The following GPR55 variants were observed in gnomAD, a reference collection of about 807,000 sequenced individuals.
The protein encoded by GPR55 is G-protein coupled receptor 55.
GPR55 carries 6 observed loss-of-function variants against 7.9 expected under a neutral mutation model. The ratio of observed to expected loss-of-function variants is 0.76; its 90% CI spans 0.41 to 1.49. GPR55 has a LOEUF of 1.49. Ranked by LOEUF, GPR55 falls within the 40% of genes most tolerant of loss-of-function variation. The probability of loss-of-function intolerance (pLI) is 0.01; values close to 1 mark genes in which losing one functional copy is unlikely to be tolerated. For synonymous variants in GPR55, 183 were observed against 166.8 expected, an observed-to-expected ratio of 1.10 and a Z score of -0.75; for missense variants, 376 against 406.0, an observed-to-expected ratio of 0.93 and a Z score of 0.63.
chr2:230,943,383 G>A (rs1258837871), intron 1 of GPR55, among the ~76,000 whole-genome samples: 1 of 152,110 alleles, frequency 6.6e-6, no homozygotes, highest in Non-Finnish European at 1.5e-5. Context: ...CAGCCCCTCC[G>A]TGGAGGGCCA....
chr2:230,957,373 C>A (rs1691507544), intron 1 of GPR55, among the ~76,000 whole-genome samples: 1 of 152,232 alleles, frequency 6.6e-6, no homozygotes, highest in Non-Finnish European at 1.5e-5. Flanking sequence ...CGATCACTGA[C>A]GGCCGGTGGT....
rs574136183 is a variant in GPR55 at position 230,910,915 on chromosome 2, G to A, written c.48C>T (p.Asn16=). 5.9e-5 allele frequency: 95 copies of A among 1,610,238 alleles called. No individual in the cohort carries two copies. The South Asian group carries it at 7.7e-4, about 13-fold the overall frequency. Residue 16 remains asparagine (N), a synonymous_variant, in exon 2 of 2, where the codon AAC becomes AAT. Coordinates refer to ENST00000650999, the MANE Select transcript of GPR55 (RefSeq NM_005683.4). The surrounding 1 kb of genome is among the most constrained non-coding windows in gnomAD (Gnocchi z 5.4). ...CAAACTGTAGGGTTTTCATCAGCTC[G>A]TTGACACCGTCAAACAGGCAGTCCC... ...TSGDCLFDGV[N]ELMKTLQFAV...
At position 230,915,233 on chromosome 2, in the gene GPR55, G is replaced by A. The variant is rs149249006; in HGVS notation, c.-134-4137C>T. 7.7e-3 allele frequency among the ~76,000 whole-genome samples: 1,180 copies of A among 152,286 alleles called. 12 individuals are homozygous for A. Among genetic ancestry groups the A allele is most frequent in the African/African-American group, 0.027 (1,115 of 41,536 alleles). The stretch of plus-strand genomic sequence containing the variant: ...CTGGGAGTGGGTTCTCTGGAATTCC[G>A]GGGAGGTCTCAGCAGCACCCCTGCA... On this transcript the variant is annotated intron_variant, in intron 1 of 1. Coordinates refer to ENST00000650999, the MANE Select transcript of GPR55 (RefSeq NM_005683.4).
intron 1 of GPR55, among the ~76,000 whole-genome samples, chr2:230,941,355 A>G (rs1691230587): frequency 6.6e-6 from 1 of 152,192 alleles, no homozygotes; most frequent in Non-Finnish European, 1.5e-5. Context: ...AAGCACCAGA[A>G]GTCCCCCAGA....
intron 1 of GPR55, among the ~76,000 whole-genome samples, chr2:230,953,413 C>G (rs1181911376): frequency 2.0e-5 from 3 of 152,080 alleles, no homozygotes; most frequent in Non-Finnish European, 4.4e-5. Context: ...GGACTCAACC[C>G]ACTGTTACTG....
In GPR55 at chr2:230,924,196, G is replaced by A. The variant is rs1049090389; in HGVS notation, c.-135+972C>T. Among the ~76,000 whole-genome samples, 1 of 152,174 alleles carries A rather than the reference G, an allele frequency of 6.6e-6. No homozygotes were observed. The highest frequency in any genetic ancestry group is 2.4e-5 in the African/African-American group (1 of 41,442). ...GAAGGTCTTATTGCATGAAAGAGGG[G>A]GTGAAGAAATGACGGAACAAATGGC... On this transcript the variant is annotated intron_variant, in intron 1 of 1. Transcript: ENST00000650999. The surrounding 1 kb of genome is among the most constrained non-coding windows in gnomAD (Gnocchi z 4.5).
At chr2:230,933,278 C>G (rs1236008382) in intron 1 of GPR55, among the ~76,000 whole-genome samples, 1 of 151,018 alleles carries the variant, frequency 6.6e-6, no homozygotes. Flanking sequence ...TTTCTCTGGC[C>G]TCCAGCCACC....
intron 1 of GPR55, among the ~76,000 whole-genome samples, chr2:230,916,728 A>G (rs1349604694): frequency 6.6e-6 from 1 of 152,090 alleles, no homozygotes; most frequent in East Asian, 1.9e-4. Flanking sequence ...AATTACAGAA[A>G]TATGTGTCAG....
rs908698835 is a variant in GPR55 at position 230,924,650 on chromosome 2, G to C, written c.-135+518C>G. On this transcript the variant is annotated intron_variant, in intron 1 of 1. Coordinates refer to ENST00000650999, the MANE Select transcript of GPR55 (RefSeq NM_005683.4). The surrounding 1 kb of genome is among the most constrained non-coding windows in gnomAD (Gnocchi z 4.5). ...AAACGGAGGCTAGAGAAATTACGCA[G>C]CTGGTGAGTGGGTGAGCCTGGGCTC... is the stretch of plus-strand genomic sequence containing the variant. The C allele has an allele frequency of 1.3e-5, 2 of 152,194 alleles. No homozygotes were observed. The highest frequency in any genetic ancestry group is 2.9e-5 in the Non-Finnish European group (2 of 68,066). 9.4% of individuals were successfully genotyped at this position (152,194 alleles called of 1,614,324 possible).
Position 230,944,419 on chromosome 2 carries a change from G to A in GPR55, c.-135+16356C>T, listed in dbSNP as rs1691280735. Among the ~76,000 whole-genome samples the A allele has an allele frequency of 6.6e-6, 1 of 152,234 alleles. No homozygotes were observed. The highest frequency in any genetic ancestry group is 1.5e-5 in the Non-Finnish European group (1 of 68,044). ...ACCCCAGAAGTGTGGAAGGGAAGGG[G>A]AGAAAGCCTGTGGAGGGAGGTGGAG... On this transcript the variant is annotated intron_variant, in intron 1 of 1. Coordinates refer to the GPR55 transcript ENST00000392039. The surrounding 1 kb of genome is among the most constrained non-coding windows in gnomAD (Gnocchi z 4.2).
chr2:230,941,617 G>A (rs181086612), intron 1 of GPR55, among the ~76,000 whole-genome samples: 1 of 152,234 alleles, frequency 6.6e-6, no homozygotes, highest in East Asian at 1.9e-4. Flanking sequence ...TGTGGCTGGA[G>A]GAAGCTCAGG....
intron 1 of GPR55, among the ~76,000 whole-genome samples, chr2:230,912,083 C>T (rs1228337418): frequency 1.3e-5 from 2 of 152,132 alleles, no homozygotes; most frequent in Admixed American, 1.3e-4. Context: ...CCTTTCTCAC[C>T]CACTCTTCCC....
At chr2:230,925,954 G>C (rs145698320), upstream of GPR55, among the ~76,000 whole-genome samples, 21 of 152,258 alleles carry the variant, frequency 1.4e-4, no homozygotes, top group African/African-American at 5.1e-4. Flanking sequence ...GGGCCTGGGT[G>C]GCTCTTAGCT....
intron 1 of GPR55, among the ~76,000 whole-genome samples, chr2:230,936,366 C>T (rs1691131488): frequency 6.6e-6 from 1 of 152,110 alleles, no homozygotes; most frequent in African/African-American, 2.4e-5. Context: ...TTACCCTCAT[C>T]CTGTTCTCAT....
At chr2:230,914,778 A>G (rs1416842764) in intron 1 of GPR55, among the ~76,000 whole-genome samples, 1 of 152,212 alleles carries the variant, frequency 6.6e-6, no homozygotes, top group Non-Finnish European at 1.5e-5. Context: ...ATGGTACTGT[A>G]GTTGGCTGGG....
upstream of GPR55, among the ~76,000 whole-genome samples, chr2:230,926,751 A>G (rs1055493918): frequency 1.5e-5 from 2 of 133,278 alleles, no homozygotes; most frequent in Non-Finnish European, 3.0e-5. Flanking sequence ...GTGCAGTGGC[A>G]CTATCTTGGC....
Position 230,944,284 on chromosome 2 carries a change from G to A in GPR55, c.-135+16491C>T, listed in dbSNP as rs1317066746. 4.6e-5 allele frequency among the ~76,000 whole-genome samples: 7 copies of A among 152,176 alleles called. No homozygotes were observed. Among genetic ancestry groups the A allele is most frequent in the South Asian group, 2.1e-4 (1 of 4,824 alleles). ...CAACGTGTGCCCACATGACTGTCCC[G>A]GGGGCTTCCATGAGCTTGATGACCC... is the stretch of plus-strand genomic sequence containing the variant. On this transcript the variant is annotated intron_variant, in intron 1 of 1. Transcript: ENST00000392039. The surrounding 1 kb of genome is among the most constrained non-coding windows in gnomAD (Gnocchi z 4.2).
chr2:230,922,471 G>A (rs1370781385), intron 1 of GPR55, among the ~76,000 whole-genome samples: 2 of 152,262 alleles, frequency 1.3e-5, no homozygotes, highest in African/African-American at 4.8e-5. Context: ...AACTTCCCAG[G>A]CTCAAGCAAT....
At chr2:230,945,899 A>G (rs2125067833) in intron 1 of GPR55, among the ~76,000 whole-genome samples, 1 of 152,324 alleles carries the variant, frequency 6.6e-6, no homozygotes, top group South Asian at 2.1e-4. Flanking sequence ...TGTGTTAGCT[A>G]AGATAATGGC....
Sources: allele counts gnomAD v4.1 joint callset (sites outside exome capture counted in the v4.1 genomes callset), GRCh38; gene constraint gnomAD v4.1.1; non-coding constraint Gnocchi (gnomAD v3.1); transcripts MANE v1.5; gene names NCBI Gene and HGNC (gene_info 2026-07-23, HGNC 2026-07-21).